The following UGT2A3 variants were observed in gnomAD, a reference collection of about 807,000 sequenced individuals.
UGT2A3 encodes UDP glucuronosyltransferase family 2 member A3.
In UGT2A3, 55 loss-of-function variants were observed where a neutral mutation model predicts 44.1. The ratio of observed to expected loss-of-function variants is 1.25; its 90% CI spans 1.00 to 1.56. UGT2A3 has a LOEUF of 1.56. Ranked by LOEUF, UGT2A3 falls within the 40% of genes most tolerant of loss-of-function variation. The pLI, the probability that UGT2A3 is intolerant of heterozygous loss-of-function variation, is 0.00. For missense variants in UGT2A3, 733 were observed against 621.6 expected (o/e 1.18, Z -1.91); for synonymous variants, 243 against 215.1 (o/e 1.13, Z -1.13).
At position 68,928,655 on chromosome 4, in the gene UGT2A3, T is replaced by C. The variant is rs1418034341; in HGVS notation, c.*1158A>G. ...ATTTATTTAAAACTATTAATAGGCA[T>C]ATCACTAAGATTATATGACAGTAAA... On this transcript the variant is annotated 3_prime_UTR_variant, in exon 6 of 6. Coordinates refer to ENST00000251566, the MANE Select transcript of UGT2A3 (RefSeq NM_024743.4). 1.3e-5 allele frequency: 2 copies of C among 152,008 alleles called. No individual in the cohort carries two copies. Among genetic ancestry groups the C allele is most frequent in the Admixed American group, 1.3e-4 (2 of 15,246 alleles). The allele number at this position is 152,008 out of a possible 1,614,324, so 9.4% of individuals were successfully genotyped here.
intron 1 of UGT2A3, among the ~76,000 whole-genome samples, chr4:68,946,489 A>G (rs575780983): frequency 6.6e-6 from 1 of 151,692 alleles, no homozygotes; most frequent in East Asian, 2.0e-4. Flanking sequence ...TCAGCTTCCA[A>G]GCAAATGCAT....
chr4:68,949,952 C>A (rs1399516411), intron 1 of UGT2A3, among the ~76,000 whole-genome samples: 5 of 151,866 alleles, frequency 3.3e-5, no homozygotes, highest in African/African-American at 1.2e-4. Context: ...CCAGAACCCA[C>A]TTTTGTTTAT....
rs372089555 is a variant in UGT2A3, at chr4:68,935,756, A to G, written c.865-2997T>C. 1.5e-4 allele frequency among the ~76,000 whole-genome samples: 23 copies of G among 152,118 alleles called. No individual in the cohort carries two copies. The East Asian group carries it at 3.7e-3, about 24-fold the overall frequency. ...AGACTTCAGAAAGTCTGTAATAACA[A>G]ACTTCTCTGAGCTAAAGGAGCATGT... On this transcript the variant is annotated intron_variant, in intron 2 of 5. Transcript: ENST00000251566.
At chr4:68,932,200 T>C (rs559381564) in intron 3 of UGT2A3, among the ~76,000 whole-genome samples, 1 of 152,050 alleles carries the variant, frequency 6.6e-6, no homozygotes, top group East Asian at 1.9e-4. Context: ...TCTGAGCTTT[T>C]ATTTCTAAGC....
rs140184838 is a variant in UGT2A3 at position 68,946,905 on chromosome 4, A to G, written c.716-1451T>C. The stretch of plus-strand genomic sequence containing the variant: ...CTGTGCAATATCATCACGTTTAAAA[A>G]GGAATGCACATACCTTAGTTAAAAG... On this transcript the variant is annotated intron_variant, in intron 1 of 5. Coordinates refer to ENST00000251566, the MANE Select transcript of UGT2A3 (RefSeq NM_024743.4). Among the ~76,000 whole-genome samples the G allele has an allele frequency of 3.5e-3, 534 of 151,850 alleles. 1 individual carries two copies. Among genetic ancestry groups the G allele is most frequent in the Non-Finnish European group, 5.6e-3 (379 of 67,764 alleles).
rs772753904 is a variant in UGT2A3, at chr4:68,948,430, C to CTTTTTCTTCTTTTTTTTTTTT, written c.715+2615_715+2616insAAAAAAAAAAAAGAAGAAAAA. 8.6e-5 allele frequency among the ~76,000 whole-genome samples: 6 copies of CTTTTTCTTCTTTTTTTTTTTT among 69,702 alleles called. 2 individuals are homozygous for CTTTTTCTTCTTTTTTTTTTTT. The highest frequency in any genetic ancestry group is 3.6e-5 in the Non-Finnish European group (1 of 27,434). The allele number at this position is 69,702 out of a possible 152,430, so 45.7% of individuals were successfully genotyped here. A position where few individuals can be genotyped will look rare whatever the true frequency, so the allele number is the denominator to read the frequency against. On this transcript the variant is annotated intron_variant, in intron 1 of 5. Transcript: ENST00000251566. ...TGGTTGGTTTAATTTTTTTTCTTTT[C>CTTTTTCTTCTTTTTTTTTTTT]TTTTTTTTCTTTTTTTTTTTTTTTT...
Position 68,935,305 on chromosome 4 carries a change from T to C in UGT2A3, c.865-2546A>G, listed in dbSNP as rs1356201384. 1.5e-5 allele frequency among the ~76,000 whole-genome samples: 2 copies of C among 132,046 alleles called. 1 individual carries two copies. The highest frequency in any genetic ancestry group is 4.3e-4 in the East Asian group (2 of 4,646). The allele number at this position is 132,046 out of a possible 152,430, so 86.6% of individuals were successfully genotyped here. A position where few individuals can be genotyped will look rare whatever the true frequency, so the allele number is the denominator to read the frequency against. On this transcript the variant is annotated intron_variant, in intron 2 of 5. Coordinates refer to ENST00000251566, the MANE Select transcript of UGT2A3 (RefSeq NM_024743.4). ...ATATATATATATATATATATATATA[T>C]ATATATATATATGCATAATATATTT...
intron 2 of UGT2A3, among the ~76,000 whole-genome samples, chr4:68,937,036 A>G (rs992317726): frequency 6.6e-6 from 1 of 152,154 alleles, no homozygotes; most frequent in Non-Finnish European, 1.5e-5. Context: ...TATCCTAAAT[A>G]TATATGCACC....
chr4:68,947,223 T>G (rs1718413253), intron 1 of UGT2A3, among the ~76,000 whole-genome samples: 1 of 151,812 alleles, frequency 6.6e-6, no homozygotes, highest in Admixed American at 6.6e-5. Flanking sequence ...CTACTAATTT[T>G]GTGTAATATT....
At chr4:68,942,278 T>C (rs566764527) in intron 2 of UGT2A3, among the ~76,000 whole-genome samples, 23 of 150,884 alleles carry the variant, frequency 1.5e-4, no homozygotes, top group African/African-American at 5.3e-4. Context: ...TACATATATA[T>C]ATGTCCATTC....
intron 4 of UGT2A3, 138 bp from the exon 5 acceptor site, chr4:68,930,903 A>T: frequency 1.3e-6 from 1 of 794,948 alleles, no homozygotes; most frequent in Non-Finnish European, 1.9e-6. Flanking sequence ...CACATGGAGC[A>T]TTGCTACTAA....
At chr4:68,950,952 T>C in intron 1 of UGT2A3, 94 bp downstream of exon 1, 2 of 844,488 alleles carry the variant, frequency 2.4e-6, no homozygotes, top group Non-Finnish European at 3.4e-6. Context: ...AAAAAACTCA[T>C]TGACCTGCAT....
At chr4:68,932,599 T>C (rs756607619) in intron 3 of UGT2A3, 29 bp downstream of exon 3, 7 of 1,588,424 alleles carry the variant, frequency 4.4e-6, no homozygotes, top group Non-Finnish European at 6.0e-6. Context: ...TGTGAATAGC[T>C]GCTTATCAGG....
intron 2 of UGT2A3, among the ~76,000 whole-genome samples, chr4:68,935,051 TGAA>T (rs1303844193): frequency 6.6e-6 from 1 of 151,282 alleles, no homozygotes; most frequent in South Asian, 2.1e-4. Flanking sequence ...AAATAAATAA[TGAA>T]GAAGAAGTTT....
Position 68,929,659 on chromosome 4 carries a change from A to C in UGT2A3, c.*154T>G. On this transcript the variant is annotated 3_prime_UTR_variant, in exon 6 of 6. Transcript: ENST00000251566. ...GGAAAATACAACGAAAGAATGAGAT[A>C]TACTCACAACCTCATGATCGTGGAA... 1.5e-6 allele frequency: 1 copy of C among 669,084 alleles called. No homozygotes were observed. The highest frequency in any genetic ancestry group is 2.5e-6 in the Non-Finnish European group (1 of 404,618). 41.4% of individuals were successfully genotyped at this position (669,084 alleles called of 1,614,324 possible). A position where few individuals can be genotyped will look rare whatever the true frequency, so the allele number is the denominator to read the frequency against.
chr4:68,932,509 AT>A (rs1258019130), intron 3 of UGT2A3, 118 bp downstream of exon 3: 1 of 1,179,988 alleles, frequency 8.5e-7, no homozygotes, highest in Non-Finnish European at 1.2e-6. Flanking sequence ...CACTACTATA[AT>A]GTTTTGCAAA....
chr4:68,945,078 A>G (rs1262336562), intron 2 of UGT2A3, among the ~76,000 whole-genome samples: 2 of 151,854 alleles, frequency 1.3e-5, no homozygotes, highest in African/African-American at 4.8e-5. Context: ...TTGTAATACT[A>G]GTATTTTAAA....
At position 68,929,050 on chromosome 4, in the gene UGT2A3, A is replaced by G. The variant is rs1010840923; in HGVS notation, c.*763T>C. On this transcript the variant is annotated 3_prime_UTR_variant, in exon 6 of 6. Transcript: ENST00000251566. ...TTATAAACTCAGTAATTATCACCAC[A>G]TATTTCAAATAGTTACTAATCCCAA... 2 of 135,450 alleles carry G rather than the reference A, an allele frequency of 1.5e-5. No individual in the cohort carries two copies. The highest frequency in any genetic ancestry group is 5.1e-5 in the African/African-American group (2 of 39,080). 8.4% of individuals were successfully genotyped at this position (135,450 alleles called of 1,614,324 possible).
intron 1 of UGT2A3, among the ~76,000 whole-genome samples, chr4:68,950,280 T>C (rs915783690): frequency 2.6e-5 from 4 of 151,908 alleles, no homozygotes; most frequent in African/African-American, 4.8e-5. Flanking sequence ...CCTCTGAATA[T>C]TAGTTCTGTG....
Sources: gnomAD v4.1 joint callset for allele counts (sites outside exome capture counted in the v4.1 genomes callset) on GRCh38, gnomAD v4.1.1 for gene constraint, MANE v1.5 for transcripts, NCBI Gene and HGNC (gene_info 2026-07-23, HGNC 2026-07-21) for gene names.